GALNT10: variants seen among roughly 807,000 people sequenced by gnomAD.
The protein encoded by GALNT10 is polypeptide N-acetylgalactosaminyltransferase 10, also known as GalNAc transferase 10.
In GALNT10, 41 loss-of-function variants were observed where a neutral mutation model predicts 75.0. The observed-to-expected ratio is 0.55, with a 90% CI of 0.43 to 0.71. GALNT10 has a LOEUF of 0.71. GALNT10 is among the 30% of genes least tolerant of loss of function. GALNT10 has a pLI of 0.00. For synonymous variants in GALNT10, 302 were observed against 313.0 expected (o/e 0.96, Z 0.37); for missense variants, 727 against 818.5 (o/e 0.89, Z 1.36).
chr5:154,233,170 G>T (rs1469478701), intron 1 of GALNT10, among the ~76,000 whole-genome samples: 1 of 152,174 alleles, frequency 6.6e-6, no homozygotes, highest in African/African-American at 2.4e-5. Context: ...AAAGGACATT[G>T]TTAATGGGAA....
At chr5:154,287,008 A>G (rs1360537449) in intron 1 of GALNT10, among the ~76,000 whole-genome samples, 1 of 152,200 alleles carries the variant, frequency 6.6e-6, no homozygotes, top group African/African-American at 2.4e-5. Flanking sequence ...AGCCTCACTT[A>G]AGTCTGACTG....
At position 154,404,610 on chromosome 5, in the gene GALNT10, A is replaced by T. The variant is rs112055492; in HGVS notation, c.1164+399A>T. 6.6e-5 allele frequency among the ~76,000 whole-genome samples: 10 copies of T among 152,344 alleles called. 1 individual carries two copies. The highest frequency in any genetic ancestry group is 2.4e-4 in the African/African-American group (10 of 41,584). On this transcript the variant is annotated intron_variant, in intron 8 of 11. Coordinates refer to ENST00000297107, the MANE Select transcript of GALNT10 (RefSeq NM_198321.4). ...TAATGTGGATTCTAAATTAATGTGTATTCGTGTAGCTAACCTGTAATTTCA... is the reference window on the plus strand; with the variant it reads ...TAATGTGGATTCTAAATTAATGTGTTTTCGTGTAGCTAACCTGTAATTTCA...
At chr5:154,371,583 C>T (rs567886413) in intron 4 of GALNT10, among the ~76,000 whole-genome samples, 3 of 105,416 alleles carry the variant, frequency 2.8e-5, no homozygotes, top group East Asian at 2.4e-4. Context: ...CACACACACA[C>T]GTGTGCACAC....
intron 1 of GALNT10, among the ~76,000 whole-genome samples, chr5:154,224,969 A>G (rs1246460363): frequency 6.6e-6 from 1 of 151,652 alleles, no homozygotes; most frequent in Non-Finnish European, 1.5e-5. Context: ...TTTAGTAGAG[A>G]TGGGCTTTCA....
intron 3 of GALNT10, among the ~76,000 whole-genome samples, chr5:154,325,647 C>T (rs1403392065): frequency 6.7e-6 from 1 of 148,792 alleles, no homozygotes; most frequent in Non-Finnish European, 1.5e-5. Flanking sequence ...AAAAAAAAGC[C>T]ATTTGACAAA....
intron 1 of GALNT10, among the ~76,000 whole-genome samples, chr5:154,283,287 A>AAAAC (rs1754066561): frequency 6.7e-6 from 1 of 149,428 alleles, no homozygotes; most frequent in Non-Finnish European, 1.5e-5. Context: ...GTAAAAAAAA[A>AAAAC]AAAAAAAAAA....
intron 3 of GALNT10, among the ~76,000 whole-genome samples, chr5:154,325,544 A>G (rs1754744300): frequency 1.3e-5 from 2 of 152,132 alleles, no homozygotes; most frequent in South Asian, 4.1e-4. Flanking sequence ...GCAGGAATGC[A>G]AGACTGGTTC....
intron 4 of GALNT10, among the ~76,000 whole-genome samples, chr5:154,358,194 C>T (rs1399677448): frequency 1.3e-5 from 2 of 152,114 alleles, no homozygotes; most frequent in African/African-American, 2.4e-5. Context: ...TTGGAGGCCT[C>T]GTCTGATCTT....
In GALNT10 at chr5:154,367,303, G is replaced by A. The variant is rs190494397; in HGVS notation, c.569-8974G>A. Among the ~76,000 whole-genome samples, 5 of 152,312 alleles carry A rather than the reference G, an allele frequency of 3.3e-5. No individual in the cohort carries two copies. The East Asian group carries it at 9.6e-4, about 29-fold the overall frequency. On this transcript the variant is annotated intron_variant, in intron 4 of 11. Transcript: ENST00000297107. ...TACCTCAGCATCTGTGTGGAAACCA[G>A]TTTCCCTGGGGGTTCTTGGGGCTGA...
chr5:154,339,125 G>C (rs1160158587), intron 4 of GALNT10, among the ~76,000 whole-genome samples: 1 of 152,224 alleles, frequency 6.6e-6, no homozygotes, highest in Admixed American at 6.5e-5. Context: ...GAGGCTTGGA[G>C]AGATGGTTGG....
At chr5:154,294,069 G>A (rs1754238769) in intron 1 of GALNT10, among the ~76,000 whole-genome samples, 1 of 152,162 alleles carries the variant, frequency 6.6e-6, no homozygotes, top group African/African-American at 2.4e-5. Flanking sequence ...GTTGGACATG[G>A]TGGCTCATGC....
chr5:154,201,403 GA>G (rs112354853), intron 1 of GALNT10, among the ~76,000 whole-genome samples: 4 of 150,826 alleles, frequency 2.7e-5, no homozygotes, highest in East Asian at 1.9e-4. Context: ...ACTTTTCAGA[GA>G]AAAAAAAATA....
intron 1 of GALNT10, among the ~76,000 whole-genome samples, chr5:154,219,088 G>A (rs999096281): frequency 6.6e-6 from 1 of 152,118 alleles, no homozygotes; most frequent in Non-Finnish European, 1.5e-5. Context: ...CTGCTGCTCC[G>A]GCCTCTGACC....
At chr5:154,380,321 C>T in intron 5 of GALNT10, 127 bp from the exon 6 acceptor site, 1 of 753,722 alleles carries the variant, frequency 1.3e-6, no homozygotes, top group Non-Finnish European at 2.2e-6. Flanking sequence ...GTCTCCCTTC[C>T]CCTCCATGGA....
chr5:154,198,037 AAGAC>A (rs1284514592), intron 1 of GALNT10, among the ~76,000 whole-genome samples: 1 of 152,172 alleles, frequency 6.6e-6, no homozygotes, highest in Non-Finnish European at 1.5e-5. Flanking sequence ...CCATTGCCCT[AAGAC>A]AGCCTCTTCA....
At chr5:154,277,136 G>A (rs2113047691) in intron 1 of GALNT10, among the ~76,000 whole-genome samples, 1 of 152,168 alleles carries the variant, frequency 6.6e-6, no homozygotes, top group East Asian at 1.9e-4. Context: ...GCTGACTCAT[G>A]TATCTCTGGT....
intron 1 of GALNT10, among the ~76,000 whole-genome samples, chr5:154,242,402 G>T (rs1753351168): frequency 6.6e-6 from 1 of 152,122 alleles, no homozygotes; most frequent in Admixed American, 6.5e-5. Flanking sequence ...AGAATTGCTG[G>T]TCTGAGCCTG....
chr5:154,363,492 GAAAAAA>G lies in GALNT10; in HGVS notation c.569-12761_569-12756del, dbSNP rs57710576. Among the ~76,000 whole-genome samples, 5 of 37,536 alleles carry G rather than the reference GAAAAAA, an allele frequency of 1.3e-4. No homozygotes were observed. In the East Asian group the frequency reaches 3.4e-3, roughly 26 times the overall value. The allele number at this position is 37,536 out of a possible 152,430, so 24.6% of individuals were successfully genotyped here. ...AAGGATTTTGTGCCAGCGTTTATCTGAAAAAAAAAAAAAAAAAAAAAAAAAAAAAGG... is the reference window on the plus strand; with the variant it reads ...AAGGATTTTGTGCCAGCGTTTATCTGAAAAAAAAAAAAAAAAAAAAAAAGG... On this transcript the variant is annotated intron_variant, in intron 4 of 11. Coordinates refer to ENST00000297107, the MANE Select transcript of GALNT10 (RefSeq NM_198321.4).
At chr5:154,334,605 G>A (rs1754914243) in intron 4 of GALNT10, among the ~76,000 whole-genome samples, 1 of 152,196 alleles carries the variant, frequency 6.6e-6, no homozygotes, top group Non-Finnish European at 1.5e-5. Flanking sequence ...ATGTGGTAAT[G>A]GAAAGAATTA....
Sources: allele counts gnomAD v4.1 joint callset (sites outside exome capture counted in the v4.1 genomes callset), GRCh38; gene constraint gnomAD v4.1.1; transcripts MANE v1.5; gene names NCBI Gene and HGNC (gene_info 2026-07-23, HGNC 2026-07-21).